Variants in RNF128 observed in about 807,000 individuals in gnomAD.
RNF128 encodes E3 ubiquitin-protein ligase RNF128.
In RNF128, 13 loss-of-function variants were observed where a neutral mutation model predicts 26.2. That is an observed-to-expected ratio of 0.50 (90% CI 0.32 to 0.79). RNF128 has a LOEUF of 0.79. RNF128 is among the 30% of genes least tolerant of loss of function. The pLI is 0.03. For synonymous variants in RNF128, 149 were observed against 142.5 expected (o/e 1.05, Z -0.32); for missense variants, 315 against 349.7 (o/e 0.90, Z 0.79).
intron 1 of RNF128, among the ~76,000 whole-genome samples, chrX:106,760,983 C>T (rs1930111168): frequency 8.9e-6 from 1 of 111,800 alleles, no homozygotes; most frequent in African/African-American, 3.3e-5. Flanking sequence ...AGTAAACAGA[C>T]AACCTACAGA....
At chrX:106,745,290 T>TAA (rs756669368) in intron 1 of RNF128, among the ~76,000 whole-genome samples, 8 of 111,564 alleles carry the variant, frequency 7.2e-5, no homozygotes, top group Non-Finnish European at 1.1e-4. Flanking sequence ...AAAATGGTAA[T>TAA]AAAGGTGATT....
intron 1 of RNF128, among the ~76,000 whole-genome samples, chrX:106,753,786 C>G (rs995101075): frequency 1.7e-4 from 19 of 111,343 alleles, no homozygotes; most frequent in African/African-American, 6.2e-4. Context: ...TAGAAAACAA[C>G]AAAGAGGAGT....
intron 2 of RNF128, among the ~76,000 whole-genome samples, chrX:106,783,991 G>A (rs1037462001): frequency 9.0e-6 from 1 of 111,152 alleles, no homozygotes; most frequent in African/African-American, 3.3e-5. Context: ...AACATTGGGG[G>A]TCACACTTCA....
exon 1 of RNF128, chrX:106,694,205 G>A: frequency 2.5e-6 from 3 of 1,208,112 alleles, no homozygotes; most frequent in Non-Finnish European, 3.4e-6. Context: ...GGAGTGGTAG[G>A]CATCCCTAAG....
chrX:106,758,205 C>T lies in RNF128; in HGVS notation c.485-14708C>T, dbSNP rs906431677. ...CAATAACAACAAATAAAATAAAGTA[C>T]TAGGAGGAAACCTAACCAAAGAAGA... On this transcript the variant is annotated intron_variant, in intron 1 of 6. Coordinates refer to ENST00000255499, the MANE Select transcript of RNF128 (RefSeq NM_194463.2). 2.7e-5 allele frequency among the ~76,000 whole-genome samples: 3 copies of T among 111,454 alleles called. No homozygotes were observed. The East Asian group carries it at 8.4e-4, about 31-fold the overall frequency.
chrX:106,710,746 CAAAAAAA>C (rs11326354), intron 1 of RNF128, among the ~76,000 whole-genome samples: 9 of 35,204 alleles, frequency 2.6e-4, no homozygotes, highest in Non-Finnish European at 9.3e-5. Flanking sequence ...GAAAGTCTGT[CAAAAAAA>C]AAAAAAAAAA....
At chrX:106,731,432 C>T (rs985101133) in intron 1 of RNF128, among the ~76,000 whole-genome samples, 1 of 111,982 alleles carries the variant, frequency 8.9e-6, no homozygotes, top group Non-Finnish European at 1.9e-5. Context: ...CCTTCTCAAC[C>T]ATTTTATATT....
upstream of RNF128, among the ~76,000 whole-genome samples, chrX:106,723,815 C>A (rs1929353784): frequency 9.0e-6 from 1 of 110,964 alleles, no homozygotes; most frequent in Non-Finnish European, 1.9e-5. Flanking sequence ...GACTCAGTCA[C>A]ACTTGTCTTG....
chrX:106,709,037 C>T (rs1488576071), intron 1 of RNF128, among the ~76,000 whole-genome samples: 1 of 111,314 alleles, frequency 9.0e-6, no homozygotes, highest in Non-Finnish European at 1.9e-5. Context: ...TTTTCTTTAT[C>T]ATGGAATGAG....
At chrX:106,726,400 C>T (rs1162508768), upstream of RNF128, among the ~76,000 whole-genome samples, 1 of 111,448 alleles carries the variant, frequency 9.0e-6, no homozygotes, top group Non-Finnish European at 1.9e-5. Context: ...ACCGTAAGCC[C>T]GAAATGTCCT....
At chrX:106,721,422 C>T (rs780707116) in intron 1 of RNF128, among the ~76,000 whole-genome samples, 1 of 112,042 alleles carries the variant, frequency 8.9e-6, no homozygotes, top group Non-Finnish European at 1.9e-5. Context: ...TCTATAGAGT[C>T]GGTGTGATGG....
chrX:106,752,317 C>G (rs1929908103), intron 1 of RNF128, among the ~76,000 whole-genome samples: 1 of 112,516 alleles, frequency 8.9e-6, no homozygotes, highest in Non-Finnish European at 1.9e-5. Flanking sequence ...TGCATCACCT[C>G]TCCTCCAACT....
At chrX:106,723,796 G>A (rs1467306962), upstream of RNF128, among the ~76,000 whole-genome samples, 1 of 110,443 alleles carries the variant, frequency 9.1e-6, no homozygotes, top group Non-Finnish European at 1.9e-5. Context: ...CACTCCATTT[G>A]TACTTAAAGA....
intron 1 of RNF128, among the ~76,000 whole-genome samples, chrX:106,748,409 C>T (rs892426322): frequency 2.7e-5 from 3 of 111,933 alleles, no homozygotes; most frequent in Admixed American, 9.5e-5. Flanking sequence ...GGTTTCTGTT[C>T]ATTGGACTTG....
At chrX:106,760,437 T>G (rs1360464006) in intron 1 of RNF128, among the ~76,000 whole-genome samples, 2 of 111,625 alleles carry the variant, frequency 1.8e-5, no homozygotes, top group Non-Finnish European at 3.8e-5. Context: ...CAATGTGATA[T>G]CACTTCACTC....
At chrX:106,706,110 C>A (rs1016595732) in intron 1 of RNF128, among the ~76,000 whole-genome samples, 3 of 111,458 alleles carry the variant, frequency 2.7e-5, no homozygotes, top group African/African-American at 9.8e-5. Flanking sequence ...ACATGGGAGA[C>A]CAAGGGATGA....
At chrX:106,733,566 G>A (rs1039981025) in intron 1 of RNF128, among the ~76,000 whole-genome samples, 10 of 110,929 alleles carry the variant, frequency 9.0e-5, no homozygotes, top group African/African-American at 3.3e-4. Flanking sequence ...CTGTACATAG[G>A]CATAACTTTG....
intron 4 of RNF128, among the ~76,000 whole-genome samples, chrX:106,788,311 A>C (rs1322917443): frequency 5.0e-5 from 3 of 60,055 alleles, no homozygotes; most frequent in Non-Finnish European, 8.6e-5. Flanking sequence ...TATACTATAT[A>C]ATATGTATTA....
At chrX:106,730,540 G>A (rs943569022) in intron 1 of RNF128, among the ~76,000 whole-genome samples, 2 of 112,089 alleles carry the variant, frequency 1.8e-5, no homozygotes, top group Non-Finnish European at 1.9e-5. Flanking sequence ...CACGAGACAC[G>A]TTAAGCATGT....
Sources: gnomAD v4.1 joint callset for allele counts (sites outside exome capture counted in the v4.1 genomes callset) on GRCh38, gnomAD v4.1.1 for gene constraint, MANE v1.5 for transcripts, NCBI Gene and HGNC (gene_info 2026-07-23, HGNC 2026-07-21) for gene names.